The following SORCS1 variants were observed in gnomAD, a reference collection of about 807,000 sequenced individuals.
SORCS1 encodes sortilin related VPS10 domain containing receptor 1.
A neutral mutation model predicts 146.1 loss-of-function variants in SORCS1; 60 were observed. That is an observed-to-expected ratio of 0.41 (90% CI 0.33 to 0.51). The LOEUF (loss-of-function observed/expected upper bound fraction) is 0.51. SORCS1 is among the 20% of genes least tolerant of loss of function. The pLI, the probability that SORCS1 is intolerant of heterozygous loss-of-function variation, is 0.21. For missense variants in SORCS1, 1,352 were observed against 1,487.6 expected (o/e 0.91, Z 1.50); for synonymous variants, 637 against 584.0 (o/e 1.09, Z -1.31).
chr10:107,163,051 C>A (rs867969094), intron 1 of SORCS1, among the ~76,000 whole-genome samples: 20 of 152,284 alleles, frequency 1.3e-4, no homozygotes, highest in African/African-American at 4.6e-4. Context: ...GGAATAGCTC[C>A]CTCAGATTGC....
rs369531925 is a variant in SORCS1, at chr10:106,719,693, G to A, written c.1025-10352C>T. On this transcript the variant is annotated intron_variant, in intron 6 of 25. Transcript: ENST00000263054. ...TCCAAAGTGCTGGCGTTACAGGCAT[G>A]AGCCACTGCGCCCGGCCTCAATGAA... Among the ~76,000 whole-genome samples the A allele has an allele frequency of 1.3e-3, 202 of 152,288 alleles. 1 individual carries two copies. The highest frequency in any genetic ancestry group is 4.7e-3 in the African/African-American group (194 of 41,554).
chr10:106,658,229 T>C (rs987013498), intron 17 of SORCS1, among the ~76,000 whole-genome samples: 4 of 152,098 alleles, frequency 2.6e-5, no homozygotes, highest in African/African-American at 9.7e-5. Flanking sequence ...AACCAAGCCA[T>C]TCTGTATACT....
At chr10:106,599,286 T>C (rs555274100) in intron 23 of SORCS1, among the ~76,000 whole-genome samples, 177 of 151,574 alleles carry the variant, frequency 1.2e-3, no homozygotes, top group African/African-American at 4.1e-3. Flanking sequence ...AAAAATCACT[T>C]GAACCCAGAA....
In SORCS1 at chr10:106,846,058, C is replaced by T. The variant is rs540125890; in HGVS notation, c.627-16385G>A. On this transcript the variant is annotated intron_variant, in intron 2 of 25. Transcript: ENST00000263054. The stretch of plus-strand genomic sequence containing the variant: ...TTCTTTTGGCTTAGGATTGACTTGG[C>T]GATGCGGGCTCTTTTTTGGTTCCAT... 1.8e-3 allele frequency among the ~76,000 whole-genome samples: 210 copies of T among 116,126 alleles called. 19 individuals carry two copies. The highest frequency in any genetic ancestry group is 2.7e-3 in the African/African-American group (101 of 36,906). The allele number at this position is 116,126 out of a possible 152,430, so 76.2% of individuals were successfully genotyped here. A position where few individuals can be genotyped will look rare whatever the true frequency, so the allele number is the denominator to read the frequency against.
At chr10:106,900,838 T>A (rs1247032917) in intron 2 of SORCS1, among the ~76,000 whole-genome samples, 1 of 152,230 alleles carries the variant, frequency 6.6e-6, no homozygotes, top group Non-Finnish European at 1.5e-5. Flanking sequence ...ATTCATATCA[T>A]CCTTATTACA....
intron 18 of SORCS1, among the ~76,000 whole-genome samples, chr10:106,642,340 A>G (rs1377486179): frequency 1.3e-5 from 2 of 152,222 alleles, no homozygotes; most frequent in East Asian, 1.9e-4. Context: ...GTGATGTCAT[A>G]TAAGAACCTA....
intron 1 of SORCS1, among the ~76,000 whole-genome samples, chr10:107,028,527 C>T (rs533152156): frequency 6.6e-6 from 1 of 152,328 alleles, no homozygotes; most frequent in South Asian, 2.1e-4. Context: ...AAGTTTCTAA[C>T]ATATTGCCTG....
chr10:106,822,107 T>A (rs912820482), intron 3 of SORCS1, among the ~76,000 whole-genome samples: 1 of 145,142 alleles, frequency 6.9e-6, no homozygotes, highest in African/African-American at 2.4e-5. Context: ...TTAATTAATT[T>A]ATTTTTTACT....
At chr10:106,579,300 ATGCTTCTGAACCTGTCAG>A (rs1844756374) in intron 25 of SORCS1, 51 bp downstream of exon 25, 1 of 1,614,064 alleles carries the variant, frequency 6.2e-7, no homozygotes, top group Non-Finnish European at 8.5e-7. Flanking sequence ...ACTGTAACAC[ATGCTTCTGAACCTGTCAG>A]GGAGAAGGAA....
At chr10:106,926,868 G>T (rs11193112) in intron 2 of SORCS1, among the ~76,000 whole-genome samples, 2 of 43,434 alleles carry the variant, frequency 4.6e-5, no homozygotes. Flanking sequence ...CACACACACA[G>T]AGAGAGAGAG....
chr10:106,743,185 G>A (rs571223791), intron 5 of SORCS1, among the ~76,000 whole-genome samples: 1 of 152,160 alleles, frequency 6.6e-6, no homozygotes, highest in Non-Finnish European at 1.5e-5. Context: ...GGGAAAGAGA[G>A]GGAGTAAAAG....
At chr10:106,803,158 C>G (rs918054287) in intron 3 of SORCS1, among the ~76,000 whole-genome samples, 26 of 152,084 alleles carry the variant, frequency 1.7e-4, no homozygotes, top group African/African-American at 6.3e-4. Flanking sequence ...CTCTGCTCAC[C>G]AAACCAAAAT....
At chr10:106,819,576 G>A (rs1034219597) in intron 3 of SORCS1, among the ~76,000 whole-genome samples, 43 of 152,138 alleles carry the variant, frequency 2.8e-4, no homozygotes, top group African/African-American at 8.7e-4. Context: ...AGCTAAGAGA[G>A]CATTAAAAGG....
chr10:106,825,332 C>T (rs1948249867), intron 3 of SORCS1, among the ~76,000 whole-genome samples: 2 of 139,338 alleles, frequency 1.4e-5, no homozygotes, highest in South Asian at 2.3e-4. Flanking sequence ...AGTGCAGTGG[C>T]GCGATCTCAG....
At chr10:106,852,553 G>T (rs1392949767) in intron 2 of SORCS1, among the ~76,000 whole-genome samples, 1 of 151,130 alleles carries the variant, frequency 6.6e-6, no homozygotes, top group Non-Finnish European at 1.5e-5. Context: ...ACTTGAACCT[G>T]GGAGGTGGAG....
intron 3 of SORCS1, among the ~76,000 whole-genome samples, chr10:106,787,102 C>T (rs574897427): frequency 6.6e-6 from 1 of 152,122 alleles, no homozygotes; most frequent in Non-Finnish European, 1.5e-5. Flanking sequence ...TGTGCCTAAG[C>T]AACTCTCTAA....
In SORCS1 at chr10:106,677,354, C is replaced by T; in HGVS notation, c.1791G>A (p.Leu597=). The change falls in exon 13 of 26, where the codon CTG becomes CTA. Residue 597 remains leucine (L), a synonymous_variant. Coordinates refer to ENST00000263054, the MANE Select transcript of SORCS1 (RefSeq NM_052918.5). ...GGAGAGATGTGTGTTTCATAGCAAC[C>T]AGGACTCCACCTTGATCCAGGTACA... ...SVLYLDQGGV[L]VAMKHTSLPI... 1 of 1,613,976 alleles carries T rather than the reference C, an allele frequency of 6.2e-7. No individual in the cohort carries two copies. Among genetic ancestry groups the T allele is most frequent in the South Asian group, 1.1e-5 (1 of 91,084 alleles).
At chr10:106,910,429 G>A (rs1952097195) in intron 2 of SORCS1, among the ~76,000 whole-genome samples, 1 of 151,938 alleles carries the variant, frequency 6.6e-6, no homozygotes, top group South Asian at 2.1e-4. Flanking sequence ...TAAATGAGAG[G>A]AAAAGGTGCT....
intron 1 of SORCS1, among the ~76,000 whole-genome samples, chr10:107,094,300 T>C (rs536426295): frequency 2.3e-4 from 35 of 152,338 alleles, no homozygotes; most frequent in Middle Eastern, 3.4e-3. Context: ...TTCAATCAAA[T>C]AGAGAATCTT....
Sources: gnomAD v4.1 joint callset for allele counts (sites outside exome capture counted in the v4.1 genomes callset) on GRCh38, gnomAD v4.1.1 for gene constraint, MANE v1.5 for transcripts, NCBI Gene and HGNC (gene_info 2026-07-23, HGNC 2026-07-21) for gene names.